Variants in ITIH6 observed in about 807,000 individuals in gnomAD.
ITIH6 encodes inter-alpha-trypsin inhibitor heavy chain H6.
ITIH6 carries 60 observed loss-of-function variants against 58.2 expected under a neutral mutation model. That is an observed-to-expected ratio of 1.03 (90% CI 0.84 to 1.28). ITIH6 has a LOEUF of 1.28. Ranked by LOEUF, ITIH6 falls within the 50% of genes most tolerant of loss-of-function variation. The pLI is 0.00. For missense variants in ITIH6, 1,290 were observed against 1,021.1 expected (o/e 1.26, Z -3.59); for synonymous variants, 493 against 417.4 (o/e 1.18, Z -2.21).
chrX:54,774,502 G>C (rs1453160158), intron 5 of ITIH6, among the ~76,000 whole-genome samples: 1 of 113,198 alleles, frequency 8.8e-6, no homozygotes, highest in African/African-American at 3.2e-5. Context: ...GTCTGTGAGA[G>C]AGTTGGGCTT....
chrX:54,761,870 G>A (rs1216706250), intron 6 of ITIH6, among the ~76,000 whole-genome samples: 1 of 111,732 alleles, frequency 8.9e-6, no homozygotes, highest in African/African-American at 3.3e-5. Flanking sequence ...GTCAGGTAGT[G>A]TGATGCCTTC....
intron 6 of ITIH6, among the ~76,000 whole-genome samples, chrX:54,770,199 C>A (rs184104033): frequency 1.8e-5 from 2 of 112,957 alleles, no homozygotes; most frequent in African/African-American, 6.4e-5. Context: ...TGTCCCCTTG[C>A]GCTTCCCAGG....
At chrX:54,769,087 C>T (rs1300228017) in intron 6 of ITIH6, among the ~76,000 whole-genome samples, 1 of 99,711 alleles carries the variant, frequency 1.0e-5, no homozygotes, top group Non-Finnish European at 2.0e-5. Context: ...TCTTTTTATT[C>T]TTTTGTCTCT....
In ITIH6 at chrX:54,788,579, C is replaced by T. The variant is rs147918674; in HGVS notation, c.687G>A (p.Pro229=). Residue 229 remains proline, a synonymous_variant, in exon 5 of 13, where the codon CCG becomes CCA. Transcript: ENST00000218436. ...AGATGGACGACTGGTCTTGCAATGT[C>T]GGGCAGTAGGTGATTCGGACACAGG... ...GETCVRITYC[P]TLQDQSSISG... is the part of the protein sequence containing the mutation. 279 of 1,207,443 alleles carry T rather than the reference C, an allele frequency of 2.3e-4. No individual in the cohort carries two copies. The highest frequency in any genetic ancestry group is 1.6e-3 in the South Asian group (93 of 56,559).
chrX:54,770,345 C>T (rs1355009449), intron 6 of ITIH6, among the ~76,000 whole-genome samples: 1 of 112,753 alleles, frequency 8.9e-6, no homozygotes. Flanking sequence ...TCTTATGCGT[C>T]GCTCACGCTG....
intron 5 of ITIH6, among the ~76,000 whole-genome samples, chrX:54,775,907 C>A (rs761134283): frequency 1.8e-5 from 2 of 111,533 alleles, no homozygotes; most frequent in Non-Finnish European, 3.8e-5. Flanking sequence ...TCGTCATCCC[C>A]CTAGGAAGGA....
intron 11 of ITIH6, among the ~76,000 whole-genome samples, chrX:54,753,327 A>G (rs1928409480): frequency 1.8e-5 from 2 of 112,663 alleles, no homozygotes; most frequent in African/African-American, 3.2e-5. Context: ...CTTATCTTGT[A>G]CTTGATGGAG....
At chrX:54,787,229 C>A (rs1298600617) in intron 5 of ITIH6, 1 of 112,476 alleles carries the variant, frequency 8.9e-6, no homozygotes, top group African/African-American at 3.2e-5. Context: ...ATTCCTCCTG[C>A]ACAACAGACT....
At position 54,757,526 on chromosome X, in the gene ITIH6, G is replaced by C; in HGVS notation, c.2548C>G (p.Pro850Ala). ...LGPGILLSKT[P>A]KILLSLKPSA... ...GGTTTAAGAGATAATAAGATTTTAGGGGTCTTGGACAAGAGGATTCCAGGC... is the reference window on the plus strand; with the variant it reads ...GGTTTAAGAGATAATAAGATTTTAGCGGTCTTGGACAAGAGGATTCCAGGC... The change falls in exon 8 of 13, where the codon CCT becomes GCT. Residue 850 changes from proline (P) to alanine (A), a missense_variant. By Grantham distance (27) the Pro-to-Ala change is conservative. Transcript: ENST00000218436. 8.3e-7 allele frequency: 1 copy of C among 1,210,880 alleles called. No homozygotes were observed. Among genetic ancestry groups the C allele is most frequent in the Non-Finnish European group, 1.1e-6 (1 of 895,178 alleles).
rs758459658 is a variant in ITIH6 at position 54,798,164 on chromosome X, A to G, written c.47T>C (p.Ile16Thr). The G allele has an allele frequency of 2.5e-6, 3 of 1,189,584 alleles. No individual in the cohort carries two copies. In the Admixed American group the frequency reaches 6.9e-5, roughly 28 times the overall value. The change falls in exon 1 of 13, where the codon ATT becomes ACT. Residue 16 changes from isoleucine (I) to threonine (T), a missense_variant. By Grantham distance (89) the Ile-to-Thr change is moderately conservative (BLOSUM62 -1). Coordinates refer to ENST00000218436, the MANE Select transcript of ITIH6 (RefSeq NM_198510.3). ...TCCCTGGTATGTCAGTTCAAGAAGA[A>G]TGGTCAGCAAAAAGCTGACACAGAT... Reference protein sequence around the residue: ...YLICVSFLLTILLELTYQGPP... With the variant: ...YLICVSFLLTTLLELTYQGPP...
At chrX:54,771,006 C>T (rs1446047130) in intron 6 of ITIH6, among the ~76,000 whole-genome samples, 2 of 111,199 alleles carry the variant, frequency 1.8e-5, no homozygotes, top group African/African-American at 6.5e-5. Flanking sequence ...TTTCCTTTAA[C>T]ACTTGTAATA....
intron 6 of ITIH6, among the ~76,000 whole-genome samples, chrX:54,764,474 T>A (rs1928725254): frequency 9.3e-6 from 1 of 107,458 alleles, no homozygotes. Context: ...GCGATCTCAT[T>A]GTTCAATTCC....
Position 54,791,071 on chromosome X carries a change from C to T in ITIH6, c.382G>A (p.Glu128Lys). ...AHVGIRDRESEKFRISTSLAA... is the reference protein window; with the variant it reads ...AHVGIRDRESKKFRISTSLAA... ...AGGCTGGTGGAGATGCGGAACTTCT[C>T]TGATTCCCGGTCCCTGGGCAGGAAA... The change falls in exon 4 of 13, where the codon GAG (glutamate) becomes AAG (lysine). Residue 128 changes from glutamate to lysine, a missense_variant. Physicochemically the swap from Glu to Lys is moderately conservative, Grantham distance 56. Transcript: ENST00000218436. 8.3e-7 allele frequency: 1 copy of T among 1,211,017 alleles called. No homozygotes were observed.
Position 54,751,087 on chromosome X carries a change from G to A in ITIH6, c.3646C>T (p.His1216Tyr), listed in dbSNP as rs1369782278. The change falls in exon 12 of 13, where the codon CAT (histidine) becomes TAT (tyrosine). Residue 1216 changes from histidine to tyrosine, a missense_variant. Coordinates refer to ENST00000218436, the MANE Select transcript of ITIH6 (RefSeq NM_198510.3). ...EFLVLRHRYR[H>Y]PSTLQLPHLG... ...TGGGGTAGTTGCAGGGTACTGGGAT[G>A]CCTGTAGCGGTGTCGGAGGACTAGG... 1 of 1,201,609 alleles carries A rather than the reference G, an allele frequency of 8.3e-7. No homozygotes were observed. The highest frequency in any genetic ancestry group is 2.2e-5 in the Admixed American group (1 of 44,522).
At position 54,785,422 on chromosome X, in the gene ITIH6, G is replaced by T. The variant is rs1163476571; in HGVS notation, c.786+3058C>A. Among the ~76,000 whole-genome samples, 3 of 111,499 alleles carry T rather than the reference G, an allele frequency of 2.7e-5. No homozygotes were observed. The South Asian group carries it at 1.1e-3, about 42-fold the overall frequency. On this transcript the variant is annotated intron_variant, in intron 5 of 12. Coordinates refer to ENST00000218436, the MANE Select transcript of ITIH6 (RefSeq NM_198510.3). ...ATGCTTGAGGGAATCGGTACCGTGT[G>T]ATGTGATTATTACAGATTGCATGCC...
chrX:54,761,682 T>C (rs1308419375), intron 6 of ITIH6, among the ~76,000 whole-genome samples: 1 of 111,298 alleles, frequency 9.0e-6, no homozygotes, highest in African/African-American at 3.3e-5. Flanking sequence ...CAGCACCATT[T>C]ATTAAATAGG....
chrX:54,752,050 T>C (rs1415080587), intron 11 of ITIH6, among the ~76,000 whole-genome samples: 1 of 111,761 alleles, frequency 8.9e-6, no homozygotes, highest in Non-Finnish European at 1.9e-5. Flanking sequence ...TGGGCATGTG[T>C]TGTGTGTCAC....
At chrX:54,774,332 T>C (rs1480417964) in intron 5 of ITIH6, 135 bp from the exon 6 acceptor site, 1 of 328,920 alleles carries the variant, frequency 3.0e-6, no homozygotes, top group Non-Finnish European at 5.5e-6. Flanking sequence ...TAAACAGGCA[T>C]GTGTGTGACT....
intron 6 of ITIH6, among the ~76,000 whole-genome samples, chrX:54,769,404 T>G (rs1378332933): frequency 3.0e-5 from 3 of 100,458 alleles, no homozygotes; most frequent in Non-Finnish European, 4.0e-5. Context: ...CCATCCAGCT[T>G]TGTTCCGTTG....
Sources: allele counts gnomAD v4.1 joint callset (sites outside exome capture counted in the v4.1 genomes callset), GRCh38; gene constraint gnomAD v4.1.1; transcripts MANE v1.5; gene names NCBI Gene and HGNC (gene_info 2026-07-23, HGNC 2026-07-21).